The following ALS2CL variants were observed in gnomAD, a reference collection of about 807,000 sequenced individuals.
The protein encoded by ALS2CL is ALS2 C-terminal-like protein.
ALS2CL carries 112 observed loss-of-function variants against 127.9 expected under a neutral mutation model. That is an observed-to-expected ratio of 0.88 (90% CI 0.75 to 1.02). The LOEUF is 1.02. ALS2CL is among the 50% of genes least tolerant of loss of function. ALS2CL has a pLI of 0.00. For synonymous variants in ALS2CL, 519 were observed against 527.6 expected (o/e 0.98, Z 0.22); for missense variants, 1,174 against 1,236.7 (o/e 0.95, Z 0.76).
At chr3:46,677,353 C>T in intron 16 of ALS2CL, 1 of 1,127,852 alleles carries the variant, frequency 8.9e-7, no homozygotes, top group Non-Finnish European at 1.1e-6. Flanking sequence ...TGTCCAAAGT[C>T]TGGGATTCCC....
At chr3:46,691,985 C>T (rs187424223) in intron 1 of ALS2CL, among the ~76,000 whole-genome samples, 4 of 152,234 alleles carry the variant, frequency 2.6e-5, no homozygotes, top group African/African-American at 7.2e-5. Context: ...CCTATGACTC[C>T]GGGGGTGAGT....
chr3:46,678,028 CA>C (rs140295939), intron 16 of ALS2CL, among the ~76,000 whole-genome samples: 1,665 of 147,258 alleles, frequency 0.011, 20 homozygotes, highest in Non-Finnish European at 0.018. Context: ...AGGACCTAAG[CA>C]AAGCCTACAA....
Position 46,671,021 on chromosome 3 carries a change from C to A in ALS2CL, c.2825G>T (p.Arg942Leu). Residue 942 changes from arginine (R) to leucine (L), a missense_variant, in exon 26 of 26, where the codon CGC (arginine) becomes CTC (leucine). By Grantham distance (102) the Arg-to-Leu change is moderately radical. Coordinates refer to ENST00000318962, the MANE Select transcript of ALS2CL (RefSeq NM_147129.5). The part of the protein sequence containing the change: ...HIQKEDMRLH[R>L]LPGHWHSREL... ...CCTGGAGTGCCAGTGGCCAGGTAAG[C>A]GGTGCAGCCTCATGTCTTCTTTCTG... 1 of 1,614,138 alleles carries A rather than the reference C, an allele frequency of 6.2e-7. No individual in the cohort carries two copies. The highest frequency in any genetic ancestry group is 8.5e-7 in the Non-Finnish European group (1 of 1,180,022).
At chr3:46,672,250 T>G (rs1477034284) in intron 22 of ALS2CL, 49 bp from the exon 23 acceptor site, 2 of 1,606,280 alleles carry the variant, frequency 1.2e-6, no homozygotes, top group Middle Eastern at 1.7e-4. Context: ...CCCCCAGCTC[T>G]GACATCCCCT....
intron 7 of ALS2CL, 119 bp from the exon 8 acceptor site, chr3:46,684,166 T>C: frequency 5.2e-6 from 6 of 1,159,882 alleles, no homozygotes; most frequent in Non-Finnish European, 7.6e-6. Context: ...CTGCCCAGCA[T>C]GTCCAGGACT....
Position 46,683,818 on chromosome 3 carries a change from T to C in ALS2CL, c.876A>G (p.Glu292=), listed in dbSNP as rs1699556626. 2 of 1,614,134 alleles carry C rather than the reference T, an allele frequency of 1.2e-6. No individual in the cohort carries two copies. Among genetic ancestry groups the C allele is most frequent in the Non-Finnish European group, 1.7e-6 (2 of 1,180,016 alleles). ...AGTCCTTGGCACAAAAGGAGAACTC[T>C]TCTTCGGGCGTGAGGAGGTGAAACG... ...GCTFHLLTPE[E]EFSFCAKDSQ... The change falls in exon 9 of 26, where the codon GAA becomes GAG. Residue 292 remains glutamate, a synonymous_variant. Transcript: ENST00000318962.
At chr3:46,677,175 C>T (rs1698921464) in intron 16 of ALS2CL, 153 bp from the exon 17 acceptor site, 1 of 1,435,844 alleles carries the variant, frequency 7.0e-7, no homozygotes, top group South Asian at 1.5e-5. Context: ...GCAGAGGGGG[C>T]TGACCTCCAC....
intron 20 of ALS2CL, 78 bp from the exon 21 acceptor site, chr3:46,674,817 C>T (rs1698682553): frequency 7.3e-7 from 1 of 1,372,430 alleles, no homozygotes; most frequent in Non-Finnish European, 9.7e-7. Context: ...TCTCAAAGAG[C>T]TCCTAGTTCC....
chr3:46,677,154 G>A (rs1323877001), intron 16 of ALS2CL, 132 bp from the exon 17 acceptor site: 2 of 1,463,936 alleles, frequency 1.4e-6, no homozygotes, highest in Non-Finnish European at 1.8e-6. Flanking sequence ...AGGGTGGATG[G>A]ATTGAACCAT....
chr3:46,681,949 G>A lies in ALS2CL; in HGVS notation c.1175+80C>T, dbSNP rs1226482810. The A allele has an allele frequency of 1.3e-5, 20 of 1,490,622 alleles. No individual in the cohort carries two copies. Among genetic ancestry groups the A allele is most frequent in the South Asian group, 5.9e-5 (5 of 84,256 alleles). The allele number at this position is 1,490,622 out of a possible 1,614,324, so 92.3% of individuals were successfully genotyped here. On this transcript the variant is annotated intron_variant, in intron 11 of 25. Transcript: ENST00000318962. The surrounding 1 kb of genome is among the most constrained non-coding windows in gnomAD (Gnocchi z 4.9). ...AGGTTTGGGAATTCAGGATGGGGCC[G>A]GGCTGGTGACCACAGCAGGGGAGGA...
chr3:46,687,303 C>T (rs531169188), intron 4 of ALS2CL, among the ~76,000 whole-genome samples, 155 bp from the exon 5 acceptor site: 6 of 152,320 alleles, frequency 3.9e-5, no homozygotes, highest in East Asian at 1.9e-4. Context: ...ACCTGAGTTG[C>T]CCTCACAGGT....
In ALS2CL at chr3:46,687,009, G is replaced by C. The variant is rs1177243016; in HGVS notation, c.508C>G (p.Leu170Val). Residue 170 changes from leucine to valine, a missense_variant, in exon 5 of 26, where the codon CTG (leucine) becomes GTG (valine). Leu to Val is a conservative substitution (Grantham distance 32). Transcript: ENST00000318962. The stretch of plus-strand genomic sequence containing the variant: ...TCCCCAATGGTGTCCCCGAGGCTCA[G>C]CAGGAGGAGCACGTACTGTTGCACG... ...HHVQQYVLLL[L>V]SLGDTIGEHH... 1 of 1,602,366 alleles carries C rather than the reference G, an allele frequency of 6.2e-7. No individual in the cohort carries two copies. The highest frequency in any genetic ancestry group is 1.7e-5 in the Admixed American group (1 of 59,514).
intron 4 of ALS2CL, 143 bp downstream of exon 4, chr3:46,687,476 G>A: frequency 2.1e-6 from 2 of 971,030 alleles, no homozygotes; most frequent in Non-Finnish European, 3.1e-6. Flanking sequence ...GTGTGGATCA[G>A]TGCAGATTTG....
intron 9 of ALS2CL, 125 bp from the exon 10 acceptor site, chr3:46,683,451 C>A (rs1699517750): frequency 5.1e-6 from 5 of 987,936 alleles, no homozygotes; most frequent in Non-Finnish European, 7.5e-6. Flanking sequence ...ATTTTGTCAC[C>A]TTGGGGACCC....
At chr3:46,677,784 T>A (rs1698982217) in intron 16 of ALS2CL, among the ~76,000 whole-genome samples, 2 of 152,224 alleles carry the variant, frequency 1.3e-5, no homozygotes, top group South Asian at 4.1e-4. Context: ...TCTATCCTTC[T>A]CTGGAATACT....
chr3:46,691,160 G>C (rs1700128245), intron 1 of ALS2CL, among the ~76,000 whole-genome samples: 1 of 152,176 alleles, frequency 6.6e-6, no homozygotes, highest in African/African-American at 2.4e-5. Flanking sequence ...CCAGCCAAGG[G>C]AATAGGGGTG....
Position 46,683,340 on chromosome 3 carries a change from GAAC to G in ALS2CL, c.913-17_913-15del, listed in dbSNP as rs1559475910. On this transcript the variant is annotated splice_polypyrimidine_tract_variant and intron_variant, in intron 9 of 25. Transcript: ENST00000318962. ...CTGCCAGACTGCCTGGTGGGAGGGGGAACATGGGGAAGGGGATCACTGCTGCTG... is the reference window on the plus strand; with the variant it reads ...CTGCCAGACTGCCTGGTGGGAGGGGGATGGGGAAGGGGATCACTGCTGCTG... 6.4e-7 allele frequency: 1 copy of G among 1,569,108 alleles called. No homozygotes were observed. Among genetic ancestry groups the G allele is most frequent in the Admixed American group, 1.9e-5 (1 of 53,652 alleles).
chr3:46,680,993 T>A (rs1699277545), intron 13 of ALS2CL: 1 of 610,116 alleles, frequency 1.6e-6, no homozygotes, highest in Admixed American at 2.8e-5. Flanking sequence ...TTTTTAGACG[T>A]GACAGAGCAG....
At chr3:46,692,856 C>A (rs1343133014) in intron 1 of ALS2CL, among the ~76,000 whole-genome samples, 1 of 152,202 alleles carries the variant, frequency 6.6e-6, no homozygotes, top group African/African-American at 2.4e-5. Flanking sequence ...TGGGGCCTTC[C>A]CTGTCCTCTC....
Sources: allele counts gnomAD v4.1 joint callset (sites outside exome capture counted in the v4.1 genomes callset), GRCh38; gene constraint gnomAD v4.1.1; non-coding constraint Gnocchi (gnomAD v3.1); transcripts MANE v1.5; gene names NCBI Gene and HGNC (gene_info 2026-07-23, HGNC 2026-07-21).